The following CFAP206 variants were observed in gnomAD, a reference collection of about 807,000 sequenced individuals.
CFAP206 encodes the protein cilia and flagella associated protein 206.
CFAP206 carries 53 observed loss-of-function variants against 65.4 expected under a neutral mutation model. That is an observed-to-expected ratio of 0.81 (90% CI 0.65 to 1.02). CFAP206 has a LOEUF of 1.02. CFAP206 is among the 50% of genes least tolerant of loss of function. The pLI, the probability that CFAP206 is intolerant of heterozygous loss-of-function variation, is 0.00. For synonymous variants in CFAP206, 250 were observed against 254.4 expected (o/e 0.98, Z 0.17); for missense variants, 663 against 753.2 (o/e 0.88, Z 1.40).
chr6:87,427,333 AT>A (rs1768060216), intron 8 of CFAP206, among the ~76,000 whole-genome samples: 1 of 151,840 alleles, frequency 6.6e-6, no homozygotes, highest in Non-Finnish European at 1.5e-5. Flanking sequence ...TAGGGACAGG[AT>A]TTCACTGTGT....
chr6:87,419,554 C>T (rs16879295), intron 7 of CFAP206, among the ~76,000 whole-genome samples: 5,775 of 152,202 alleles, frequency 0.038, 133 homozygotes, highest in Middle Eastern at 0.078. Flanking sequence ...CACTTGTCAC[C>T]GTTTACTTTT....
At position 87,429,108 on chromosome 6, in the gene CFAP206, C is replaced by T. The variant is rs530759485; in HGVS notation, c.1159+284C>T. Among the ~76,000 whole-genome samples the T allele has an allele frequency of 5.3e-4, 80 of 152,036 alleles. 1 individual carries two copies. Among genetic ancestry groups the T allele is most frequent in the Non-Finnish European group, 9.1e-4 (62 of 68,014 alleles). On this transcript the variant is annotated intron_variant, in intron 9 of 12. Transcript: ENST00000369562. ...GGGCATGGTGGTGGGCGCCTGTAAT[C>T]CCAGCTACTGGGGAGGCTAAGGCAG...
At chr6:87,453,938 A>G (rs1044819542) in intron 11 of CFAP206, among the ~76,000 whole-genome samples, 3 of 152,212 alleles carry the variant, frequency 2.0e-5, no homozygotes, top group Non-Finnish European at 4.4e-5. Context: ...ATCAAAAGAC[A>G]GAGTAGCTGA....
At position 87,418,300 on chromosome 6, in the gene CFAP206, G is replaced by A. The variant is rs1188758945; in HGVS notation, c.724G>A (p.Ala242Thr). 1 of 1,614,064 alleles carries A rather than the reference G, an allele frequency of 6.2e-7. No individual in the cohort carries two copies. Among genetic ancestry groups the A allele is most frequent in the Non-Finnish European group, 8.5e-7 (1 of 1,180,012 alleles). Reference protein sequence around the residue: ...TARSQVYRYTAILEKAANDPL... With the variant: ...TARSQVYRYTTILEKAANDPL... ...CCGGAGCCAGGTATACCGCTACACA[G>A]CCATCCTTGAGAAGGCAGCCAACGA... The change falls in exon 7 of 13, where the codon GCC becomes ACC. Residue 242 changes from alanine (A) to threonine (T), a missense_variant. By Grantham distance (58) the Ala-to-Thr change is moderately conservative (BLOSUM62 0). Coordinates refer to ENST00000369562, the MANE Select transcript of CFAP206 (RefSeq NM_001031743.3).
At chr6:87,428,901 T>G in intron 9 of CFAP206, 77 bp downstream of exon 9, 1 of 1,319,690 alleles carries the variant, frequency 7.6e-7, no homozygotes, top group Non-Finnish European at 1.1e-6. Flanking sequence ...GTTCTAAAAA[T>G]TTCATATCTT....
chr6:87,441,776 TG>T, intron 11 of CFAP206: 1 of 229,552 alleles, frequency 4.4e-6, no homozygotes. Context: ...AATTCTGGTG[TG>T]GGCACACTTG....
At chr6:87,442,503 T>C (rs1454337345) in intron 11 of CFAP206, among the ~76,000 whole-genome samples, 2 of 152,138 alleles carry the variant, frequency 1.3e-5, no homozygotes, top group Non-Finnish European at 2.9e-5. Context: ...CTTACTACAT[T>C]GACAAGCAAC....
chr6:87,414,431 G>T (rs1767790034), intron 4 of CFAP206, among the ~76,000 whole-genome samples: 1 of 152,154 alleles, frequency 6.6e-6, no homozygotes, highest in African/African-American at 2.4e-5. Flanking sequence ...CCGAGTAGCT[G>T]GGACTATAGG....
At chr6:87,415,461 T>G (rs1389790583) in intron 4 of CFAP206, 1 of 559,028 alleles carries the variant, frequency 1.8e-6, no homozygotes. Context: ...TCTTAGGTGT[T>G]TTGACAAAGT....
At chr6:87,414,104 A>G (rs1171422416) in intron 4 of CFAP206, among the ~76,000 whole-genome samples, 2 of 152,214 alleles carry the variant, frequency 1.3e-5, no homozygotes, top group African/African-American at 4.8e-5. Flanking sequence ...GTGAATTCCA[A>G]TTATTGTGCT....
chr6:87,421,893 TTA>T (rs1767946605), intron 7 of CFAP206, among the ~76,000 whole-genome samples: 2 of 152,220 alleles, frequency 1.3e-5, no homozygotes, highest in Non-Finnish European at 2.9e-5. Context: ...GCTTGTTTTA[TTA>T]TATTTTATTT....
chr6:87,431,610 A>G (rs982233005), intron 10 of CFAP206, among the ~76,000 whole-genome samples: 5 of 152,166 alleles, frequency 3.3e-5, no homozygotes, highest in Admixed American at 2.6e-4. Context: ...TACTAAAAAT[A>G]CAAAAATTAG....
chr6:87,442,819 C>A (rs1768379723), intron 11 of CFAP206, among the ~76,000 whole-genome samples: 1 of 152,094 alleles, frequency 6.6e-6, no homozygotes, highest in South Asian at 2.1e-4. Flanking sequence ...TTCCTGGGCT[C>A]AATCCAACTT....
At chr6:87,446,660 A>G (rs1224935730) in intron 11 of CFAP206, among the ~76,000 whole-genome samples, 1 of 151,986 alleles carries the variant, frequency 6.6e-6, no homozygotes, top group Non-Finnish European at 1.5e-5. Flanking sequence ...TTTGCTTAGG[A>G]TTGTCTTGAC....
At position 87,452,160 on chromosome 6, in the gene CFAP206, C is replaced by A. The variant is rs545624396; in HGVS notation, c.1495-8862C>A. On this transcript the variant is annotated intron_variant, in intron 11 of 12. Transcript: ENST00000369562. ...CTTGGCAGAAAGTAAGGGAGGAGAA[C>A]AAGAGACTCTGCCTAGTAATCCAGG... Among the ~76,000 whole-genome samples, 165 of 152,272 alleles carry A rather than the reference C, an allele frequency of 1.1e-3. 1 individual carries two copies. Among genetic ancestry groups the A allele is most frequent in the South Asian group, 5.2e-3 (25 of 4,812 alleles).
chr6:87,414,982 G>A (rs1423015431), intron 4 of CFAP206, among the ~76,000 whole-genome samples: 2 of 152,048 alleles, frequency 1.3e-5, no homozygotes, highest in African/African-American at 4.8e-5. Context: ...AACTGTGCGT[G>A]GTGGATATGT....
At chr6:87,448,176 A>T in intron 11 of CFAP206, among the ~76,000 whole-genome samples, 1 of 151,528 alleles carries the variant, frequency 6.6e-6, no homozygotes, top group Non-Finnish European at 1.5e-5. Context: ...TCATTATTCA[A>T]CTCCCACTTA....
At chr6:87,437,056 C>T (rs1768279934) in intron 11 of CFAP206, among the ~76,000 whole-genome samples, 1 of 151,986 alleles carries the variant, frequency 6.6e-6, no homozygotes, top group African/African-American at 2.4e-5. Context: ...CTGCAACCTC[C>T]ACCTCCCAGG....
chr6:87,464,220 G>A lies in CFAP206; in HGVS notation c.1839G>A (p.Val613=), dbSNP rs561464963. 2 of 1,613,596 alleles carry A rather than the reference G, an allele frequency of 1.2e-6. No homozygotes were observed. The highest frequency in any genetic ancestry group is 1.7e-5 in the Admixed American group (1 of 59,960). ...GKSEITDEVK[V]NLTRDVDET ...GCGAAATCACCGATGAGGTCAAGGT[G>A]AACTTAACTAGAGATGTGGATGAAA... Residue 613 remains valine, a synonymous_variant, in exon 13 of 13, where the codon GTG becomes GTA. Coordinates refer to ENST00000369562, the MANE Select transcript of CFAP206 (RefSeq NM_001031743.3).
Sources: gnomAD v4.1 joint callset for allele counts (sites outside exome capture counted in the v4.1 genomes callset) on GRCh38, gnomAD v4.1.1 for gene constraint, MANE v1.5 for transcripts, NCBI Gene and HGNC (gene_info 2026-07-23, HGNC 2026-07-21) for gene names.